CNOT4: variants seen among roughly 807,000 people sequenced by gnomAD.
The protein encoded by CNOT4 is CCR4-NOT transcription complex subunit 4, also known as CCR4-associated factor 4.
A neutral mutation model predicts 73.8 loss-of-function variants in CNOT4; 8 were observed. That is an observed-to-expected ratio of 0.11 (90% CI 0.06 to 0.20). The LOEUF (loss-of-function observed/expected upper bound fraction) is 0.20. Ranked by LOEUF, CNOT4 falls within the 10% of genes least tolerant of loss-of-function variation. The probability of loss-of-function intolerance (pLI) is 1.00; values close to 1 mark genes in which losing one functional copy is unlikely to be tolerated. For missense variants in CNOT4, 564 were observed against 883.4 expected (o/e 0.64, Z 4.58); for synonymous variants, 293 against 321.1 (o/e 0.91, Z 0.94).
At chr7:135,427,965 T>C (rs1798600313) in intron 2 of CNOT4, among the ~76,000 whole-genome samples, 1 of 152,110 alleles carries the variant, frequency 6.6e-6, no homozygotes, top group African/African-American at 2.4e-5. Context: ...GGTTCCATGA[T>C]AAGCTGAGAT....
intron 10 of CNOT4, among the ~76,000 whole-genome samples, chr7:135,379,971 T>C (rs1360489941): frequency 6.6e-6 from 1 of 152,114 alleles, no homozygotes; most frequent in East Asian, 1.9e-4. Context: ...TGGGCCAAGA[T>C]CTCACTATAT....
rs367902124 is a variant in CNOT4 at position 135,424,904 on chromosome 7, A to G, written c.175-2551T>C. ...TCCACTGCCTGAATGGATCAAACAC[A>G]TGGATTGCTCCTAGTTTTGTTTCAA... On this transcript the variant is annotated intron_variant, in intron 2 of 11. Transcript: ENST00000541284. Among the ~76,000 whole-genome samples the G allele has an allele frequency of 7.2e-5, 11 of 152,214 alleles. No homozygotes were observed. In the East Asian group the frequency reaches 1.5e-3, roughly 21 times the overall value.
intron 10 of CNOT4, among the ~76,000 whole-genome samples, chr7:135,374,876 A>G (rs1795433145): frequency 6.6e-6 from 1 of 152,186 alleles, no homozygotes; most frequent in South Asian, 2.1e-4. Flanking sequence ...GTGTATGGGA[A>G]AAGGTCTAGT....
chr7:135,494,843 A>G (rs1280035096), intron 1 of CNOT4, among the ~76,000 whole-genome samples: 1 of 152,194 alleles, frequency 6.6e-6, no homozygotes, highest in Non-Finnish European at 1.5e-5. Flanking sequence ...AGACCTTTCC[A>G]TTTAGTTTTT....
chr7:135,438,952 A>G (rs1027264479), intron 1 of CNOT4, among the ~76,000 whole-genome samples: 3 of 152,206 alleles, frequency 2.0e-5, no homozygotes, highest in African/African-American at 7.2e-5. Context: ...CCTTAACAAT[A>G]CAACTAATTA....
chr7:135,506,069 T>C (rs945470045), intron 1 of CNOT4, among the ~76,000 whole-genome samples: 5 of 152,228 alleles, frequency 3.3e-5, no homozygotes, highest in African/African-American at 7.2e-5. Context: ...GAGGAAAATA[T>C]GTATATACTA....
At chr7:135,374,428 T>C (rs779672859) in intron 10 of CNOT4, among the ~76,000 whole-genome samples, 3 of 152,150 alleles carry the variant, frequency 2.0e-5, no homozygotes, top group Non-Finnish European at 2.9e-5. Context: ...TGGTAAAGTA[T>C]AGCATGGATA....
intron 1 of CNOT4, among the ~76,000 whole-genome samples, chr7:135,449,577 C>T (rs576883256): frequency 6.6e-6 from 1 of 152,196 alleles, no homozygotes; most frequent in African/African-American, 2.4e-5. Context: ...GAATCCTTCA[C>T]CCAATGGAAT....
intron 8 of CNOT4, among the ~76,000 whole-genome samples, chr7:135,397,958 T>C (rs914394589): frequency 2.6e-5 from 4 of 152,104 alleles, no homozygotes; most frequent in Admixed American, 2.0e-4. Flanking sequence ...TATCTGGTCA[T>C]AATGATAATT....
chr7:135,446,540 T>C (rs1350194668), intron 1 of CNOT4, among the ~76,000 whole-genome samples: 1 of 152,204 alleles, frequency 6.6e-6, no homozygotes, highest in Non-Finnish European at 1.5e-5. Flanking sequence ...TAATTAACCC[T>C]TTAATTTTTT....
At position 135,364,171 on chromosome 7, in the gene CNOT4, T is replaced by G. The variant is rs1401420279; in HGVS notation, c.1628-105A>C. The G allele has an allele frequency of 1.1e-6, 1 of 893,084 alleles. No homozygotes were observed. Among genetic ancestry groups the G allele is most frequent in the African/African-American group, 1.7e-5 (1 of 60,016 alleles). The allele number at this position is 893,084 out of a possible 1,614,324, so 55.3% of individuals were successfully genotyped here. ...GTTAAGCGGGAGAAGAATTATTCTT[T>G]CTTTATTGAGCATTTAAAATGGGTT... On this transcript the variant is annotated intron_variant, in intron 10 of 11. Coordinates refer to ENST00000541284, the MANE Select transcript of CNOT4 (RefSeq NM_001190850.2). The surrounding 1 kb of genome is among the most constrained non-coding windows in gnomAD (Gnocchi z 4.3).
intron 10 of CNOT4, among the ~76,000 whole-genome samples, chr7:135,379,493 G>T (rs975937413): frequency 2.0e-5 from 3 of 152,126 alleles, no homozygotes; most frequent in Admixed American, 6.5e-5. Context: ...CAGTTTAGAA[G>T]GAAAAGGAAA....
At chr7:135,392,360 C>A (rs1796446218) in intron 10 of CNOT4, among the ~76,000 whole-genome samples, 1 of 152,110 alleles carries the variant, frequency 6.6e-6, no homozygotes, top group Non-Finnish European at 1.5e-5. Context: ...CCCTCATATT[C>A]ACTGTAATTG....
intron 2 of CNOT4, among the ~76,000 whole-genome samples, chr7:135,426,616 A>G (rs1798517634): frequency 6.6e-6 from 1 of 150,660 alleles, no homozygotes. Flanking sequence ...AAAAAAAAAA[A>G]AAGAAAGAAA....
At chr7:135,463,710 G>A (rs997621620) in intron 1 of CNOT4, among the ~76,000 whole-genome samples, 1 of 151,992 alleles carries the variant, frequency 6.6e-6, no homozygotes, top group Non-Finnish European at 1.5e-5. Flanking sequence ...AAGAGCTTCT[G>A]CACAGCAAAA....
chr7:135,442,524 A>G (rs1023119018), intron 1 of CNOT4, among the ~76,000 whole-genome samples: 1 of 152,198 alleles, frequency 6.6e-6, no homozygotes, highest in African/African-American at 2.4e-5. Context: ...GCTTGAACAC[A>G]GGAGGCGGAG....
rs368542586 is a variant in CNOT4, at chr7:135,406,897, T to C, written c.821+3618A>G. On this transcript the variant is annotated intron_variant, in intron 7 of 11. Transcript: ENST00000541284. ...TGTTAGCAAATCTATTAATAACTGA[T>C]TACAAAAATAAGTAAATAATATAGT... Among the ~76,000 whole-genome samples the C allele has an allele frequency of 1.6e-4, 25 of 152,286 alleles. No homozygotes were observed. In the South Asian group the frequency reaches 4.1e-3, roughly 25 times the overall value.
At chr7:135,459,439 C>A (rs1800740149) in intron 1 of CNOT4, among the ~76,000 whole-genome samples, 1 of 152,172 alleles carries the variant, frequency 6.6e-6, no homozygotes, top group South Asian at 2.1e-4. Flanking sequence ...TCTTTCAAAT[C>A]TTTTTCTCTT....
At position 135,466,475 on chromosome 7, in the gene CNOT4, C is replaced by CAA. The variant is rs199824747; in HGVS notation, c.-92-28054_-92-28053dup. 1.5e-3 allele frequency among the ~76,000 whole-genome samples: 125 copies of CAA among 83,484 alleles called. 1 individual carries two copies. The highest frequency in any genetic ancestry group is 4.7e-3 in the African/African-American group (121 of 25,784). The allele number at this position is 83,484 out of a possible 152,430, so 54.8% of individuals were successfully genotyped here. A position where few individuals can be genotyped will look rare whatever the true frequency, so the allele number is the denominator to read the frequency against. ...CCTGGGCAATACAGCAAGACTGTCT[C>CAA]AAAAAAAAAAAAAAAAAGTTTATAA... On this transcript the variant is annotated intron_variant, in intron 1 of 11. Transcript: ENST00000541284.
Sources: gnomAD v4.1 joint callset for allele counts (sites outside exome capture counted in the v4.1 genomes callset) on GRCh38, gnomAD v4.1.1 for gene constraint, Gnocchi (gnomAD v3.1) non-coding constraint, MANE v1.5 for transcripts, NCBI Gene and HGNC (gene_info 2026-07-23, HGNC 2026-07-21) for gene names.